The following BCHE variants were observed in gnomAD, a reference collection of about 807,000 sequenced individuals.
BCHE encodes cholinesterase.
A neutral mutation model predicts 51.3 loss-of-function variants in BCHE; 48 were observed. The ratio of observed to expected loss-of-function variants is 0.94; its 90% CI spans 0.74 to 1.19. BCHE has a LOEUF of 1.19. Ranked by LOEUF, BCHE falls within the 50% of genes most tolerant of loss-of-function variation. BCHE has a pLI of 0.00. For missense variants in BCHE, 847 were observed against 708.2 expected (o/e 1.20, Z -2.23); for synonymous variants, 251 against 238.0 (o/e 1.05, Z -0.50).
At chr3:165,804,375 A>T (rs1436866866) in intron 2 of BCHE, among the ~76,000 whole-genome samples, 1 of 151,380 alleles carries the variant, frequency 6.6e-6, no homozygotes, top group African/African-American at 2.4e-5. Flanking sequence ...CAGATTACAT[A>T]TTTTTTTTTA....
rs1250875780 is a variant in BCHE, at chr3:165,775,469, TA to T, written c.1685-1964del. Among the ~76,000 whole-genome samples, 6 of 151,698 alleles carry T rather than the reference TA, an allele frequency of 4.0e-5. No individual in the cohort carries two copies. In the East Asian group the frequency reaches 9.7e-4, roughly 24 times the overall value. On this transcript the variant is annotated intron_variant, in intron 3 of 3. Transcript: ENST00000264381. ...CAAATTATCCATTTTTATGGTCTTT[TA>T]AAAAATAACAAAATGTTGTTTTAAA...
rs1480511686 is a variant in BCHE at position 165,833,074 on chromosome 3, T to C, written c.-8-2033A>G. On this transcript the variant is annotated intron_variant, in intron 1 of 3. Coordinates refer to ENST00000264381, the MANE Select transcript of BCHE (RefSeq NM_000055.4). ...TATGCATATATATTTACATATAAAA[T>C]GACTGCTATAATAATAAGGTTTTAA... Among the ~76,000 whole-genome samples the C allele has an allele frequency of 4.6e-5, 7 of 152,210 alleles. No individual in the cohort carries two copies. The East Asian group carries it at 1.4e-3, about 29-fold the overall frequency.
chr3:165,805,872 T>C (rs1713847468), intron 2 of BCHE, among the ~76,000 whole-genome samples: 1 of 152,128 alleles, frequency 6.6e-6, no homozygotes, highest in South Asian at 2.1e-4. Context: ...GATTTTCCTT[T>C]CTTCTCACAC....
chr3:165,791,988 T>TAAAATAAAATAAAATAAAAC (rs372410356), intron 2 of BCHE, among the ~76,000 whole-genome samples: 1,983 of 151,498 alleles, frequency 0.013, 49 homozygotes, highest in African/African-American at 0.044. Flanking sequence ...TAAAATAAAA[T>TAAAATAAAATAAAATAAAAC]AAAGAGTTCA....
intron 2 of BCHE, among the ~76,000 whole-genome samples, chr3:165,819,241 G>A (rs1256557516): frequency 1.7e-5 from 2 of 120,174 alleles, no homozygotes; most frequent in Non-Finnish European, 3.4e-5. Context: ...ACCACACCCA[G>A]CTAATTTTTG....
rs144603736 is a variant in BCHE at position 165,775,099 on chromosome 3, A to G, written c.1685-1593T>C. ...GGGGCTGGCAACTCTTTTAATATAT[A>G]CTTTTCAGTTAGAAATCTTTGAAAT... On this transcript the variant is annotated intron_variant, in intron 3 of 3. Coordinates refer to ENST00000264381, the MANE Select transcript of BCHE (RefSeq NM_000055.4). 1.7e-3 allele frequency among the ~76,000 whole-genome samples: 255 copies of G among 152,252 alleles called. 1 individual carries two copies. The highest frequency in any genetic ancestry group is 5.8e-3 in the African/African-American group (243 of 41,586).
At chr3:165,777,850 T>C in intron 3 of BCHE, 1 of 413,226 alleles carries the variant, frequency 2.4e-6, no homozygotes. Flanking sequence ...CAACTTCCAC[T>C]CAATAAGTAG....
chr3:165,827,097 A>G (rs534324189), intron 2 of BCHE, among the ~76,000 whole-genome samples: 114 of 152,280 alleles, frequency 7.5e-4, no homozygotes, highest in Non-Finnish European at 1.5e-3. Flanking sequence ...CAGACCTAAC[A>G]GTTATCAACT....
In BCHE at chr3:165,837,314, C is replaced by T. The variant is rs1314180498; in HGVS notation, c.-9G>A. ...AAGGTGTAAATTCAGAGCAACTTAC[C>T]CGATTCTCTGCAACAAAGATGGCAA... is the stretch of plus-strand genomic sequence containing the variant. On this transcript the variant is annotated splice_region_variant and 5_prime_UTR_variant, in exon 1 of 4. Transcript: ENST00000264381. 6 of 1,288,272 alleles carry T rather than the reference C, an allele frequency of 4.7e-6. No homozygotes were observed. The East Asian group carries it at 2.8e-4, about 60-fold the overall frequency. 79.8% of individuals were successfully genotyped at this position (1,288,272 alleles called of 1,614,324 possible).
intron 2 of BCHE, among the ~76,000 whole-genome samples, chr3:165,814,232 G>A (rs1560016566): frequency 6.6e-6 from 1 of 151,926 alleles, no homozygotes; most frequent in Non-Finnish European, 1.5e-5. Context: ...TCTGGTTTAT[G>A]TTATTCTCCT....
intron 3 of BCHE, chr3:165,777,695 TGA>T: frequency 2.3e-6 from 1 of 430,582 alleles, no homozygotes; most frequent in Non-Finnish European, 4.7e-6. Flanking sequence ...AACATGAGTC[TGA>T]ACTGCACAAG....
chr3:165,830,442 C>T lies in BCHE; in HGVS notation c.592G>A (p.Asp198Asn), dbSNP rs756220623. ...ACCCACTGAAGAGCCAACTGTTGAT[C>T]AAATAAACCCATGTTCCCTGGAGCC... ...PEAPGNMGLF[D>N]QQLALQWVQK... is the part of the protein sequence containing the mutation. The change falls in exon 2 of 4, where the codon GAT becomes AAT. Residue 198 changes from aspartate (D) to asparagine (N), a missense_variant. By Grantham distance (23) the Asp-to-Asn change is conservative. Transcript: ENST00000264381. 1 of 1,613,664 alleles carries T rather than the reference C, an allele frequency of 6.2e-7. No homozygotes were observed. The highest frequency in any genetic ancestry group is 2.2e-5 in the East Asian group (1 of 44,858).
rs757016659 is a variant in BCHE, at chr3:165,830,821, G to T, written c.213C>A (p.Phe71Leu). 1.9e-6 allele frequency: 3 copies of T among 1,613,688 alleles called. No individual in the cohort carries two copies. The highest frequency in any genetic ancestry group is 2.5e-6 in the Non-Finnish European group (3 of 1,179,876). Residue 71 changes from phenylalanine to leucine, a missense_variant, in exon 2 of 4, where the codon TTC becomes TTA. Phe to Leu is a conservative substitution (Grantham distance 22). Transcript: ENST00000264381. ...ACTTGGTCAGAGACTGTGGCTTTTTGAATCGAAGTCTACCAAGAGGTGGCT... is the reference window on the plus strand; with the variant it reads ...ACTTGGTCAGAGACTGTGGCTTTTTTAATCGAAGTCTACCAAGAGGTGGCT... The part of the protein sequence containing the change: ...YAQPPLGRLR[F>L]KKPQSLTKWS...
chr3:165,827,970 T>G (rs534329196), intron 2 of BCHE: 1 of 438,128 alleles, frequency 2.3e-6, no homozygotes, highest in Non-Finnish European at 4.5e-6. Context: ...AAATATTTGT[T>G]AAATATGATA....
chr3:165,807,595 A>G lies in BCHE; in HGVS notation c.1518-21284T>C, dbSNP rs997821691. 8.6e-5 allele frequency among the ~76,000 whole-genome samples: 13 copies of G among 151,840 alleles called. 1 individual carries two copies. The highest frequency in any genetic ancestry group is 3.1e-4 in the African/African-American group (13 of 41,330). Reference sequence around the variant, plus strand: ...CAGACAGAGTCTTATTCTGTCACCCAGGCTGGAGTGCAGTGGCATGATCTT... The same window carrying G: ...CAGACAGAGTCTTATTCTGTCACCCGGGCTGGAGTGCAGTGGCATGATCTT... On this transcript the variant is annotated intron_variant, in intron 2 of 3. Transcript: ENST00000264381.
intron 2 of BCHE, among the ~76,000 whole-genome samples, chr3:165,800,673 T>A (rs569062191): frequency 6.6e-6 from 1 of 152,210 alleles, no homozygotes; most frequent in East Asian, 1.9e-4. Context: ...TCTGGAGAAA[T>A]GGCATATGAG....
intron 1 of BCHE, 125 bp from the exon 2 acceptor site, chr3:165,831,166 G>C (rs1029968809): frequency 1.1e-6 from 1 of 902,976 alleles, no homozygotes; most frequent in African/African-American, 1.7e-5. Flanking sequence ...AAATAAACCT[G>C]CTTCTGTAAA....
chr3:165,830,526 C>G lies in BCHE; in HGVS notation c.508G>C (p.Val170Leu), dbSNP rs527843566. 5 of 1,613,964 alleles carry G rather than the reference C, an allele frequency of 3.1e-6. No homozygotes were observed. Among genetic ancestry groups the G allele is most frequent in the Non-Finnish European group, 4.2e-6 (5 of 1,179,942 alleles). Residue 170 changes from valine to leucine, a missense_variant, in exon 2 of 4, where the codon GTG becomes CTG. Val to Leu is a conservative substitution (Grantham distance 32). Coordinates refer to ENST00000264381, the MANE Select transcript of BCHE (RefSeq NM_000055.4). ...GCACCCACCCTATAGTTCATTGACA[C>G]TACAATAACTCTTTCAACCCGAGCC... ...FLARVERVIV[V>L]SMNYRVGALG...
chr3:165,822,500 G>A (rs1714568467), intron 2 of BCHE, among the ~76,000 whole-genome samples: 1 of 151,760 alleles, frequency 6.6e-6, no homozygotes, highest in Non-Finnish European at 1.5e-5. Context: ...TTACAGATAA[G>A]AAAAAAATAT....
Sources: gnomAD v4.1 joint callset for allele counts (sites outside exome capture counted in the v4.1 genomes callset) on GRCh38, gnomAD v4.1.1 for gene constraint, MANE v1.5 for transcripts, NCBI Gene and HGNC (gene_info 2026-07-23, HGNC 2026-07-21) for gene names.